CFAP97: variants seen among roughly 807,000 people sequenced by gnomAD.
CFAP97 encodes cilia- and flagella-associated protein 97.
A neutral mutation model predicts 43.1 loss-of-function variants in CFAP97; 36 were observed. The ratio of observed to expected loss-of-function variants is 0.84; its 90% confidence interval spans 0.64 to 1.10. The LOEUF (loss-of-function observed/expected upper bound fraction) is 1.10, where lower values mean the gene tolerates loss of function less well. CFAP97 is among the 50% of genes least tolerant of loss of function. The probability of loss-of-function intolerance (pLI) is 0.00; values close to 1 mark genes in which losing one functional copy is unlikely to be tolerated. For missense variants in CFAP97, 657 were observed against 620.3 expected (o/e 1.06, Z -0.63); for synonymous variants, 228 against 225.7 (o/e 1.01, Z -0.09).
intron 3 of CFAP97, among the ~76,000 whole-genome samples, chr4:185,174,978 G>A (rs1407182962): frequency 6.6e-6 from 1 of 152,148 alleles, no homozygotes; most frequent in East Asian, 1.9e-4. Context: ...CAAACTATAT[G>A]ATTTGTAACA....
intron 2 of CFAP97, among the ~76,000 whole-genome samples, chr4:185,182,978 T>C (rs1735861238): frequency 1.3e-5 from 2 of 151,882 alleles, no homozygotes; most frequent in Non-Finnish European, 2.9e-5. Flanking sequence ...TGCCCGCCTG[T>C]AATCCCAGCT....
chr4:185,201,598 T>C (rs1283271006), intron 1 of CFAP97, among the ~76,000 whole-genome samples: 1 of 152,208 alleles, frequency 6.6e-6, no homozygotes. Flanking sequence ...CCATAAATTA[T>C]TTTTTAGATA....
At chr4:185,183,988 T>A (rs1164754884) in intron 2 of CFAP97, among the ~76,000 whole-genome samples, 1 of 152,222 alleles carries the variant, frequency 6.6e-6, no homozygotes, top group Admixed American at 6.5e-5. Context: ...TTTTTCTTAT[T>A]TAAAAGTTAA....
intron 3 of CFAP97, among the ~76,000 whole-genome samples, chr4:185,171,496 T>G (rs1368430454): frequency 6.6e-6 from 1 of 152,198 alleles, no homozygotes; most frequent in Non-Finnish European, 1.5e-5. Context: ...TCTTACTTCC[T>G]CCATAACTTT....
upstream of CFAP97, among the ~76,000 whole-genome samples, chr4:185,208,107 A>AT (rs373835265): frequency 6.6e-6 from 1 of 152,058 alleles, no homozygotes; most frequent in South Asian, 2.1e-4. Flanking sequence ...ATACTGCTTT[A>AT]TTTATTTTAT....
chr4:185,190,130 A>C lies in CFAP97; in HGVS notation c.1054+13T>G. On this transcript the variant is annotated intron_variant, in intron 2 of 4. Transcript: ENST00000458385. ...TATTTAAACACACATTTTTAAGAAGAAAAGAAAATTACCTTTCAAGAGATG... is the reference window on the plus strand; with the variant it reads ...TATTTAAACACACATTTTTAAGAAGCAAAGAAAATTACCTTTCAAGAGATG... 1 of 1,526,290 alleles carries C rather than the reference A, an allele frequency of 6.6e-7. No homozygotes were observed. Among genetic ancestry groups the C allele is most frequent in the African/African-American group, 1.4e-5 (1 of 71,568 alleles). The allele number at this position is 1,526,290 out of a possible 1,614,324, so 94.5% of individuals were successfully genotyped here.
At chr4:185,199,418 AAGCACTTTCGG>A (rs1453990447) in intron 1 of CFAP97, among the ~76,000 whole-genome samples, 4 of 151,900 alleles carry the variant, frequency 2.6e-5, no homozygotes, top group African/African-American at 9.7e-5. Context: ...CCTATAATCC[AAGCACTTTCGG>A]AGGCCAAGGC....
At chr4:185,201,854 C>T (rs1271433193) in intron 1 of CFAP97, among the ~76,000 whole-genome samples, 4 of 152,162 alleles carry the variant, frequency 2.6e-5, no homozygotes, top group African/African-American at 9.7e-5. Context: ...CTCTTCATGT[C>T]GTATCTCCAC....
chr4:185,161,694 G>A lies in CFAP97; in HGVS notation c.*1104C>T, dbSNP rs1734879572. 1 of 152,164 alleles carries A rather than the reference G, an allele frequency of 6.6e-6. No individual in the cohort carries two copies. Among genetic ancestry groups the A allele is most frequent in the Non-Finnish European group, 1.5e-5 (1 of 68,034 alleles). The allele number at this position is 152,164 out of a possible 1,614,324, so 9.4% of individuals were successfully genotyped here. ...TACTAGGTCTTTAAATGTGGGACTG[G>A]TAAAAATAATACTTCCAGGGTTCAA... On this transcript the variant is annotated 3_prime_UTR_variant, in exon 5 of 5. Transcript: ENST00000458385.
chr4:185,172,464 A>G (rs1284920561), intron 3 of CFAP97, among the ~76,000 whole-genome samples: 3 of 152,178 alleles, frequency 2.0e-5, no homozygotes, highest in Non-Finnish European at 2.9e-5. Context: ...TTCCATCTAA[A>G]TAGCCTCTGA....
chr4:185,163,862 C>T (rs1371563287), intron 4 of CFAP97, among the ~76,000 whole-genome samples, 167 bp downstream of exon 4: 1 of 151,914 alleles, frequency 6.6e-6, no homozygotes, highest in African/African-American at 2.4e-5. Flanking sequence ...GTAAATGAAA[C>T]CTGAAATTAA....
chr4:185,175,472 T>C (rs1735477865), intron 3 of CFAP97, among the ~76,000 whole-genome samples: 1 of 152,092 alleles, frequency 6.6e-6, no homozygotes, highest in East Asian at 1.9e-4. Context: ...GCTGGGGTTT[T>C]GCCAGATTGT....
upstream of CFAP97, chr4:185,210,081 G>A: frequency 1.0e-6 from 1 of 984,200 alleles, no homozygotes; most frequent in African/African-American, 1.7e-5. The surrounding 1 kb of genome is among the most constrained non-coding windows in gnomAD (Gnocchi z 4.4). Context: ...CGGGGGCCGC[G>A]GGGCTGAGCT....
At chr4:185,165,156 A>G (rs532368129) in intron 3 of CFAP97, among the ~76,000 whole-genome samples, 6 of 152,370 alleles carry the variant, frequency 3.9e-5, no homozygotes, top group African/African-American at 1.4e-4. Context: ...AGTTTTTAAA[A>G]AGATATGTAG....
In CFAP97 at chr4:185,202,233, G is replaced by C. The variant is rs147958645; in HGVS notation, c.-17+1665C>G. ...TGCTACCCACGAGGGTAGAAAAATCGCCTTGTATGTGTGTGGCTGGGCATG... is the reference window on the plus strand; with the variant it reads ...TGCTACCCACGAGGGTAGAAAAATCCCCTTGTATGTGTGTGGCTGGGCATG... On this transcript the variant is annotated intron_variant, in intron 1 of 4. Transcript: ENST00000458385. 1.1e-4 allele frequency among the ~76,000 whole-genome samples: 16 copies of C among 152,244 alleles called. No homozygotes were observed. In the East Asian group the frequency reaches 2.9e-3, roughly 28 times the overall value.
intron 3 of CFAP97, among the ~76,000 whole-genome samples, chr4:185,174,942 T>C (rs1266301318): frequency 6.6e-6 from 1 of 152,176 alleles, no homozygotes; most frequent in African/African-American, 2.4e-5. Flanking sequence ...TTTTCAACAG[T>C]TCCCATATTT....
upstream of CFAP97, chr4:185,204,509 G>A (rs1737099984): frequency 6.6e-6 from 1 of 152,224 alleles, no homozygotes; most frequent in Non-Finnish European, 1.5e-5. Context: ...GATCTCTGCA[G>A]AATATATTGA....
At chr4:185,177,193 G>C (rs1159871693) in intron 2 of CFAP97, among the ~76,000 whole-genome samples, 1 of 151,982 alleles carries the variant, frequency 6.6e-6, no homozygotes. Context: ...CAGGTGGATT[G>C]CCTGAGGTCA....
chr4:185,176,867 G>C (rs1478695647), intron 2 of CFAP97, among the ~76,000 whole-genome samples: 2 of 152,162 alleles, frequency 1.3e-5, no homozygotes, highest in Non-Finnish European at 2.9e-5. Flanking sequence ...AAAGATGCTG[G>C]ATTTATAAAT....
Sources: gnomAD v4.1 joint callset for allele counts (sites outside exome capture counted in the v4.1 genomes callset) on GRCh38, gnomAD v4.1.1 for gene constraint, Gnocchi (gnomAD v3.1) non-coding constraint, MANE v1.5 for transcripts, NCBI Gene and HGNC (gene_info 2026-07-23, HGNC 2026-07-21) for gene names.